The following TAF3 variants were observed in gnomAD, a reference collection of about 807,000 sequenced individuals.
TAF3 encodes transcription initiation factor TFIID subunit 3.
TAF3 carries 7 observed loss-of-function variants against 80.6 expected under a neutral mutation model. The ratio of observed to expected loss-of-function variants is 0.09; its 90% CI spans 0.05 to 0.16. The LOEUF (loss-of-function observed/expected upper bound fraction) is 0.16, where lower values mean the gene tolerates loss of function less well. TAF3 is among the 10% of genes least tolerant of loss of function. The probability of loss-of-function intolerance (pLI) is 1.00; values close to 1 mark genes in which losing one functional copy is unlikely to be tolerated. For synonymous variants in TAF3, 444 were observed against 446.1 expected, an observed-to-expected ratio of 1.00 and a Z score of 0.06; for missense variants, 921 against 1,140.2, an observed-to-expected ratio of 0.81 and a Z score of 2.77.
At chr10:7,867,416 C>T (rs958488576) in intron 2 of TAF3, among the ~76,000 whole-genome samples, 1 of 152,088 alleles carries the variant, frequency 6.6e-6, no homozygotes, top group African/African-American at 2.4e-5. Flanking sequence ...TTTTAGGAAA[C>T]CTAGTGTTTA....
intron 5 of TAF3, among the ~76,000 whole-genome samples, chr10:8,010,808 G>T (rs1422228826): frequency 6.6e-6 from 1 of 152,240 alleles, no homozygotes; most frequent in South Asian, 2.1e-4. Context: ...TACTCGGGAG[G>T]CTCAGGCACA....
chr10:7,965,559 A>C lies in TAF3; in HGVS notation c.2049A>C (p.Pro683=), dbSNP rs1831562185. ...RVPAMLPSLL[P]VLPEKLFEEK... Reference sequence around the variant, plus strand: ...CAGCCATGCTGCCATCTTTGTTGCCAGTGCTTCCGGAAAAACTGTTTGAGG... The same window carrying C: ...CAGCCATGCTGCCATCTTTGTTGCCCGTGCTTCCGGAAAAACTGTTTGAGG... Residue 683 remains proline (P), a synonymous_variant, in exon 3 of 7, where the codon CCA becomes CCC. Transcript: ENST00000344293. 6.2e-7 allele frequency: 1 copy of C among 1,600,352 alleles called. No individual in the cohort carries two copies. Among genetic ancestry groups the C allele is most frequent in the African/African-American group, 1.4e-5 (1 of 73,894 alleles).
intron 4 of TAF3, among the ~76,000 whole-genome samples, chr10:7,994,702 C>T (rs539318790): frequency 1.9e-4 from 29 of 151,700 alleles, no homozygotes; most frequent in South Asian, 6.3e-4. Flanking sequence ...CAGTGGCCCA[C>T]GCCTGTGATC....
In TAF3 at chr10:7,893,358, G is replaced by A. The variant is rs190480034; in HGVS notation, c.409+68798G>A. On this transcript the variant is annotated intron_variant, in intron 2 of 6. Coordinates refer to ENST00000344293, the MANE Select transcript of TAF3 (RefSeq NM_031923.4). Reference sequence around the variant, plus strand: ...TTTTAAATCTGTGCCTTTGGATTTGGTAAGTTTATCACTTAAAAGATACGT... The same window carrying A: ...TTTTAAATCTGTGCCTTTGGATTTGATAAGTTTATCACTTAAAAGATACGT... 3.3e-3 allele frequency among the ~76,000 whole-genome samples: 504 copies of A among 152,262 alleles called. 1 individual carries two copies. Among genetic ancestry groups the A allele is most frequent in the African/African-American group, 0.011 (465 of 41,538 alleles).
At chr10:8,006,734 TG>T (rs570346502) in intron 4 of TAF3, among the ~76,000 whole-genome samples, 84 of 152,332 alleles carry the variant, frequency 5.5e-4, no homozygotes, top group African/African-American at 1.9e-3. Flanking sequence ...TGCCTTTTGG[TG>T]AAAGTGGTTT....
intron 3 of TAF3, among the ~76,000 whole-genome samples, chr10:7,973,759 G>A (rs1210381073): frequency 6.6e-6 from 1 of 152,154 alleles, no homozygotes; most frequent in African/African-American, 2.4e-5. Context: ...AGAAAGATGA[G>A]GAAGTCTTAA....
chr10:7,894,232 A>G (rs145762902), intron 2 of TAF3, among the ~76,000 whole-genome samples: 8 of 152,328 alleles, frequency 5.3e-5, no homozygotes, highest in Non-Finnish European at 1.2e-4. Flanking sequence ...CCTACCCCTA[A>G]GCAATACAAA....
chr10:7,957,395 T>C (rs1181734990), intron 2 of TAF3, among the ~76,000 whole-genome samples: 1 of 152,128 alleles, frequency 6.6e-6, no homozygotes, highest in African/African-American at 2.4e-5. Flanking sequence ...GGGAGGAGAA[T>C]TGTTTTTTGT....
chr10:7,950,319 G>C (rs1263230100), intron 2 of TAF3, among the ~76,000 whole-genome samples: 1 of 152,200 alleles, frequency 6.6e-6, no homozygotes, highest in Non-Finnish European at 1.5e-5. Flanking sequence ...GAGGGGAGCA[G>C]AATATGTGGG....
intron 2 of TAF3, among the ~76,000 whole-genome samples, chr10:7,876,012 A>G (rs1837309223): frequency 6.6e-6 from 1 of 151,588 alleles, no homozygotes; most frequent in Admixed American, 6.6e-5. Flanking sequence ...TTTTTATCAT[A>G]CTATTAAACT....
chr10:7,855,223 G>C (rs1293779814), intron 2 of TAF3, among the ~76,000 whole-genome samples: 1 of 152,138 alleles, frequency 6.6e-6, no homozygotes, highest in East Asian at 1.9e-4. Flanking sequence ...TGGAAGTGAG[G>C]GAGAGAAATG....
At chr10:8,013,579 A>G (rs1432646159) in intron 5 of TAF3, 152 bp from the exon 6 acceptor site, 2 of 578,804 alleles carry the variant, frequency 3.5e-6, no homozygotes, top group African/African-American at 1.9e-5. Context: ...GACGCTGATC[A>G]TGGCATTAAT....
At chr10:7,986,646 G>A (rs931810330) in intron 4 of TAF3, among the ~76,000 whole-genome samples, 2 of 152,164 alleles carry the variant, frequency 1.3e-5, no homozygotes, top group Non-Finnish European at 2.9e-5. Context: ...TCAGCATCTT[G>A]TAACTTCCGC....
chr10:7,851,198 G>A (rs1243162861), intron 2 of TAF3, among the ~76,000 whole-genome samples: 1 of 152,218 alleles, frequency 6.6e-6, no homozygotes, highest in Non-Finnish European at 1.5e-5. Context: ...TGCTAGTCAG[G>A]GGAACTAGTG....
chr10:8,006,294 T>G (rs1831993013), intron 4 of TAF3, among the ~76,000 whole-genome samples: 1 of 151,232 alleles, frequency 6.6e-6, no homozygotes, highest in South Asian at 2.1e-4. Context: ...GAGAATCACT[T>G]GAACCCAGGA....
chr10:7,872,576 A>T (rs74749280), intron 2 of TAF3, among the ~76,000 whole-genome samples: 102 of 152,350 alleles, frequency 6.7e-4, no homozygotes, highest in Non-Finnish European at 1.4e-3. Context: ...CTATCTTGAG[A>T]AATAGCAGAG....
intron 2 of TAF3, among the ~76,000 whole-genome samples, chr10:7,873,560 T>A (rs369599137): frequency 2.2e-4 from 33 of 150,640 alleles, no homozygotes; most frequent in African/African-American, 7.6e-4. Flanking sequence ...AATGTCATTT[T>A]CTAAATCTAA....
At chr10:7,957,283 G>A (rs999084152) in intron 2 of TAF3, among the ~76,000 whole-genome samples, 4 of 151,750 alleles carry the variant, frequency 2.6e-5, no homozygotes, top group Non-Finnish European at 4.4e-5. Flanking sequence ...GGGAGATTAG[G>A]GCAGACGATG....
chr10:8,008,972 A>AT (rs1832023939), intron 4 of TAF3, 106 bp from the exon 5 acceptor site: 13 of 1,444,108 alleles, frequency 9.0e-6, no homozygotes, highest in Admixed American at 1.8e-5. Context: ...ACGTTGAAGT[A>AT]TTTCGCTACT....
Sources: allele counts gnomAD v4.1 joint callset (sites outside exome capture counted in the v4.1 genomes callset), GRCh38; gene constraint gnomAD v4.1.1; transcripts MANE v1.5; gene names NCBI Gene and HGNC (gene_info 2026-07-23, HGNC 2026-07-21).